GPR39: variants seen among roughly 807,000 people sequenced by gnomAD.
GPR39 encodes the protein zinc sensing receptor.
GPR39 carries 23 observed loss-of-function variants against 18.4 expected under a neutral mutation model. The observed-to-expected ratio is 1.25, with a 90% confidence interval of 0.90 to 1.77. The LOEUF is 1.77. Among genes scored for constraint, GPR39 ranks in the 40% most tolerant of loss-of-function variants. The pLI, the probability that GPR39 is intolerant of heterozygous loss-of-function variation, is 0.00. For synonymous variants in GPR39, 280 were observed against 257.9 expected, an observed-to-expected ratio of 1.09 and a Z score of -0.82; for missense variants, 647 against 602.4, an observed-to-expected ratio of 1.07 and a Z score of -0.78.
rs373819702 is a variant in GPR39 at position 132,645,374 on chromosome 2, A to G, written c.1130A>G (p.His377Arg). The part of the protein sequence containing the change: ...HANHEKRLRV[H>R]AHSTTDSARF... ...AACCACGAGAAGCGCCTGCGCGTAC[A>G]TGCGCACTCCACCACCGACAGCGCC... is the stretch of plus-strand genomic sequence containing the variant. The change falls in exon 2 of 2, where the codon CAT becomes CGT. Residue 377 changes from histidine to arginine, a missense_variant. By Grantham distance (29) the His-to-Arg change is conservative. Transcript: ENST00000329321. The G allele has an allele frequency of 3.1e-6, 5 of 1,613,774 alleles. No homozygotes were observed. In the African/African-American group the frequency reaches 6.7e-5, roughly 22 times the overall value.
chr2:132,546,172 C>T (rs1377479581), intron 1 of GPR39, among the ~76,000 whole-genome samples: 3 of 152,194 alleles, frequency 2.0e-5, no homozygotes, highest in Admixed American at 2.0e-4. Flanking sequence ...AGTTCTCAAA[C>T]TTGAGTGTGC....
intron 1 of GPR39, among the ~76,000 whole-genome samples, chr2:132,466,009 GA>G (rs1680921321): frequency 6.6e-6 from 1 of 152,188 alleles, no homozygotes; most frequent in Non-Finnish European, 1.5e-5. Context: ...TGAGAAAAAA[GA>G]GGATTTTTTT....
chr2:132,451,643 C>T (rs1289415833), intron 1 of GPR39, among the ~76,000 whole-genome samples: 1 of 152,052 alleles, frequency 6.6e-6, no homozygotes, highest in Non-Finnish European at 1.5e-5. Context: ...TGCCTCTCAT[C>T]CTCTACTCTA....
chr2:132,480,594 A>C (rs1186653967), intron 1 of GPR39, among the ~76,000 whole-genome samples: 2 of 152,172 alleles, frequency 1.3e-5, no homozygotes, highest in African/African-American at 4.8e-5. Flanking sequence ...AGATAGAATT[A>C]GTAGGATTTG....
At chr2:132,601,119 T>C (rs1681035749) in intron 1 of GPR39, among the ~76,000 whole-genome samples, 1 of 152,132 alleles carries the variant, frequency 6.6e-6, no homozygotes, top group African/African-American at 2.4e-5. Flanking sequence ...CCTAATTGAT[T>C]TTATGAGGCC....
At chr2:132,608,835 G>A (rs1681187969) in intron 1 of GPR39, among the ~76,000 whole-genome samples, 1 of 152,186 alleles carries the variant, frequency 6.6e-6, no homozygotes, top group Admixed American at 6.5e-5. Context: ...GAATCAATGA[G>A]CACTTGAGAT....
At chr2:132,619,555 T>C (rs1027163601) in intron 1 of GPR39, among the ~76,000 whole-genome samples, 7 of 152,126 alleles carry the variant, frequency 4.6e-5, no homozygotes, top group Non-Finnish European at 1.0e-4. Flanking sequence ...TTCATTTCTA[T>C]GGGCAGGAAG....
At chr2:132,576,816 T>C (rs1680537140) in intron 1 of GPR39, among the ~76,000 whole-genome samples, 1 of 152,212 alleles carries the variant, frequency 6.6e-6, no homozygotes, top group Non-Finnish European at 1.5e-5. Context: ...AGGTTTTTGT[T>C]GTTGTTTTTT....
rs1009194210 is a variant in GPR39, at chr2:132,449,309, G to A, written c.856+31411G>A. 3.3e-5 allele frequency among the ~76,000 whole-genome samples: 5 copies of A among 152,036 alleles called. No individual in the cohort carries two copies. The East Asian group carries it at 5.8e-4, about 18-fold the overall frequency. On this transcript the variant is annotated intron_variant, in intron 1 of 1. Transcript: ENST00000329321. ...GTCACGCAGGCTGGAGTACAATGGCGCGATCTTGGCTCACTGCAACCTCCG... is the reference window on the plus strand; with the variant it reads ...GTCACGCAGGCTGGAGTACAATGGCACGATCTTGGCTCACTGCAACCTCCG...
intron 1 of GPR39, among the ~76,000 whole-genome samples, chr2:132,557,086 G>T (rs34136745): frequency 1.2e-3 from 92 of 78,536 alleles, no homozygotes; most frequent in African/African-American, 5.1e-4. Flanking sequence ...GAGGCCAAGG[G>T]GGGGGGCAGA....
intron 1 of GPR39, among the ~76,000 whole-genome samples, chr2:132,449,645 A>G (rs890598679): frequency 1.3e-5 from 2 of 152,094 alleles, no homozygotes; most frequent in African/African-American, 4.8e-5. Context: ...TCACTTTTCA[A>G]AAACATTCCA....
intron 1 of GPR39, among the ~76,000 whole-genome samples, chr2:132,639,228 A>G (rs541390431): frequency 2.7e-5 from 4 of 149,576 alleles, no homozygotes; most frequent in Admixed American, 6.6e-5. Context: ...CAAGTAAATA[A>G]GCAAAGTACA....
In GPR39 at chr2:132,439,375, T is replaced by G. The variant is rs527897173; in HGVS notation, c.856+21477T>G. On this transcript the variant is annotated intron_variant, in intron 1 of 1. Coordinates refer to ENST00000329321, the MANE Select transcript of GPR39 (RefSeq NM_001508.3). ...CCCCTCAAACATCATTGAGGCAATA[T>G]GCCAAGAGGCGCTTGGTAAATGGCT... 2.5e-4 allele frequency among the ~76,000 whole-genome samples: 38 copies of G among 152,336 alleles called. No individual in the cohort carries two copies. In the South Asian group the frequency reaches 5.0e-3, roughly 20 times the overall value.
chr2:132,456,757 T>C (rs1179947207), intron 1 of GPR39, among the ~76,000 whole-genome samples: 1 of 152,206 alleles, frequency 6.6e-6, no homozygotes, highest in East Asian at 1.9e-4. Context: ...TGGCTGGATA[T>C]GAAATTCTGG....
intron 1 of GPR39, among the ~76,000 whole-genome samples, chr2:132,575,937 T>C (rs1477317749): frequency 6.6e-6 from 1 of 152,078 alleles, no homozygotes; most frequent in Non-Finnish European, 1.5e-5. Flanking sequence ...GAGGACTCCT[T>C]CTAACATGTG....
At chr2:132,448,994 C>A (rs1218261810) in intron 1 of GPR39, among the ~76,000 whole-genome samples, 1 of 152,168 alleles carries the variant, frequency 6.6e-6, no homozygotes, top group Non-Finnish European at 1.5e-5. Flanking sequence ...CTCCGCAACC[C>A]CCTGCAGGCT....
At position 132,643,047 on chromosome 2, in the gene GPR39, T is replaced by C. The variant is rs547411257; in HGVS notation, c.857-2054T>C. ...AATAGCACAAGTGGCTGGGAACACC[T>C]GTACTCCTCGAAGTGGGAGAAAAGT... On this transcript the variant is annotated intron_variant, in intron 1 of 1. Coordinates refer to ENST00000329321, the MANE Select transcript of GPR39 (RefSeq NM_001508.3). 7.7e-4 allele frequency among the ~76,000 whole-genome samples: 117 copies of C among 152,322 alleles called. 1 individual carries two copies. Among genetic ancestry groups the C allele is most frequent in the African/African-American group, 2.7e-3 (114 of 41,566 alleles).
At chr2:132,503,189 T>C (rs991041230) in intron 1 of GPR39, among the ~76,000 whole-genome samples, 1 of 152,220 alleles carries the variant, frequency 6.6e-6, no homozygotes, top group African/African-American at 2.4e-5. Context: ...TCCTTCTTTT[T>C]TGGGTAGCCT....
intron 1 of GPR39, among the ~76,000 whole-genome samples, chr2:132,423,565 G>T (rs552388003): frequency 6.6e-6 from 1 of 152,136 alleles, no homozygotes; most frequent in Admixed American, 6.5e-5. Flanking sequence ...CCTGTGTATG[G>T]GTTGTTTCCT....
Sources: allele counts gnomAD v4.1 joint callset (sites outside exome capture counted in the v4.1 genomes callset), GRCh38; gene constraint gnomAD v4.1.1; transcripts MANE v1.5; gene names NCBI Gene and HGNC (gene_info 2026-07-23, HGNC 2026-07-21).